ADRA1A: variants seen among roughly 807,000 people sequenced by gnomAD.
The protein encoded by ADRA1A is alpha-1A adrenergic receptor.
A neutral mutation model predicts 29.6 loss-of-function variants in ADRA1A; 31 were observed. The ratio of observed to expected loss-of-function variants is 1.05; its 90% CI spans 0.79 to 1.41. The LOEUF (loss-of-function observed/expected upper bound fraction) is 1.41. Ranked by LOEUF, ADRA1A falls within the 40% of genes most tolerant of loss-of-function variation. The pLI is 0.00. For missense variants in ADRA1A, 619 were observed against 601.1 expected, an observed-to-expected ratio of 1.03 and a Z score of -0.31; for synonymous variants, 311 against 254.3, an observed-to-expected ratio of 1.22 and a Z score of -2.12.
At chr8:26,798,316 G>T (rs1035003646) in intron 2 of ADRA1A, among the ~76,000 whole-genome samples, 11 of 152,124 alleles carry the variant, frequency 7.2e-5, no homozygotes, top group African/African-American at 2.7e-4. Context: ...CAAGTGATTT[G>T]CTCTTTCAGA....
At chr8:26,834,349 C>T (rs944023180) in intron 2 of ADRA1A, among the ~76,000 whole-genome samples, 1 of 152,012 alleles carries the variant, frequency 6.6e-6, no homozygotes, top group Admixed American at 6.6e-5. Flanking sequence ...TAGAACTAGA[C>T]AAAATAATTC....
chr8:26,777,545 G>A lies in ADRA1A; in HGVS notation c.884-6879C>T, dbSNP rs1585666268. On this transcript the variant is annotated intron_variant, in intron 2 of 2. Coordinates refer to ENST00000380573, the MANE Select transcript of ADRA1A (RefSeq NM_000680.4). The stretch of plus-strand genomic sequence containing the variant: ...TTCGGTGCCTCTTTGGAAGGACTTC[G>A]CTAGTCTTTTTTTCCCCTATTTAAC... 3.3e-5 allele frequency among the ~76,000 whole-genome samples: 5 copies of A among 152,252 alleles called. 1 individual carries two copies. The South Asian group carries it at 6.2e-4, about 19-fold the overall frequency.
At position 26,848,866 on chromosome 8, in the gene ADRA1A, A is replaced by G. The variant is rs932356632; in HGVS notation, c.883+15221T>C. Among the ~76,000 whole-genome samples, 46 of 152,280 alleles carry G rather than the reference A, an allele frequency of 3.0e-4. No homozygotes were observed. On this transcript the variant is annotated intron_variant, in intron 2 of 2. Transcript: ENST00000380573. This position sits in a 1 kb window ranked among gnomAD's most constrained non-coding sequence, Gnocchi z 4.3. ...CTCTAACTGTTGAGAATCAAAGGCT[A>G]TAGGAGGATGGGTCTGCTTTGTCTT...
downstream of ADRA1A, among the ~76,000 whole-genome samples, chr8:26,763,468 C>T (rs750061105): frequency 2.6e-5 from 4 of 152,206 alleles, no homozygotes; most frequent in Admixed American, 6.5e-5. The surrounding 1 kb of genome is among the most constrained non-coding windows in gnomAD (Gnocchi z 4.5). Flanking sequence ...CCTTTCTGCT[C>T]TACAGATGAC....
At position 26,770,378 on chromosome 8, in the gene ADRA1A, G is replaced by A. The variant is rs151273238; in HGVS notation, c.1172C>T (p.Thr391Met). The A allele has an allele frequency of 1.5e-4, 237 of 1,614,204 alleles. No individual in the cohort carries two copies. The East Asian group carries it at 1.9e-3, about 13-fold the overall frequency. The change falls in exon 3 of 3, where the codon ACG (threonine) becomes ATG (methionine). Residue 391 changes from threonine (T) to methionine (M), a missense_variant. Thr to Met is a moderately conservative substitution (Grantham distance 81, BLOSUM62 -1). Coordinates refer to ENST00000380573, the MANE Select transcript of ADRA1A (RefSeq NM_000680.4). ...SRETFYRISK[T>M]DGVCEWKFFS... is the part of the protein sequence containing the mutation. Reference sequence around the variant, plus strand: ...AAATTTCCATTCACAAACGCCATCCGTCTTGGAGATCCTGTAGAAGGTCTC... The same window carrying A: ...AAATTTCCATTCACAAACGCCATCCATCTTGGAGATCCTGTAGAAGGTCTC...
downstream of ADRA1A, among the ~76,000 whole-genome samples, chr8:26,767,800 G>T (rs755282752): frequency 2.0e-5 from 3 of 152,162 alleles, no homozygotes; most frequent in Admixed American, 6.5e-5. Context: ...TTCCTGTAAG[G>T]GGGAGTGGGG....
intron 2 of ADRA1A, among the ~76,000 whole-genome samples, chr8:26,819,485 T>C (rs1415265480): frequency 6.6e-6 from 1 of 151,976 alleles, no homozygotes; most frequent in Non-Finnish European, 1.5e-5. Context: ...ATCAAACGTG[T>C]GTTGGGGGAG....
chr8:26,867,318 C>T (rs1243883402), upstream of ADRA1A: 2 of 985,406 alleles, frequency 2.0e-6, no homozygotes, highest in South Asian at 4.7e-5. Flanking sequence ...CCTGCTGCTA[C>T]CGTATTACTC....
Position 26,825,895 on chromosome 8 carries a change from C to A in ADRA1A, c.883+38192G>T, listed in dbSNP as rs773321794. ...TGGTGTTTGCATGAGGACATGAGCC[C>A]CATTCCTTGAATTCCTACAATGTCC... On this transcript the variant is annotated intron_variant, in intron 2 of 2. Coordinates refer to ENST00000380573, the MANE Select transcript of ADRA1A (RefSeq NM_000680.4). This position sits in a 1 kb window ranked among gnomAD's most constrained non-coding sequence, Gnocchi z 5.7. 1.1e-4 allele frequency among the ~76,000 whole-genome samples: 16 copies of A among 152,192 alleles called. No homozygotes were observed. The highest frequency in any genetic ancestry group is 8.5e-4 in the Admixed American group (13 of 15,286).
At chr8:26,755,421 G>T (rs1220258604), downstream of ADRA1A, among the ~76,000 whole-genome samples, 1 of 152,160 alleles carries the variant, frequency 6.6e-6, no homozygotes, top group Non-Finnish European at 1.5e-5. Context: ...TGTGTGGTTT[G>T]CCTGTGGGGA....
chr8:26,811,209 T>G (rs1809363479), intron 2 of ADRA1A, among the ~76,000 whole-genome samples: 1 of 150,602 alleles, frequency 6.6e-6, no homozygotes, highest in Non-Finnish European at 1.5e-5. Flanking sequence ...TTTTTTTTTG[T>G]TGAGACGGAG....
chr8:26,801,856 A>G (rs1032209580), intron 2 of ADRA1A, among the ~76,000 whole-genome samples: 6 of 152,208 alleles, frequency 3.9e-5, no homozygotes, highest in African/African-American at 1.4e-4. Context: ...CTATAGAGCT[A>G]TGGTAACCAT....
intron 2 of ADRA1A, among the ~76,000 whole-genome samples, chr8:26,783,014 G>A (rs1478955393): frequency 2.0e-5 from 3 of 152,102 alleles, no homozygotes; most frequent in African/African-American, 7.2e-5. Context: ...GTCCATTCCA[G>A]TTCTGGCCAC....
chr8:26,769,509 C>T lies in ADRA1A; in HGVS notation c.*640G>A, dbSNP rs1398116843. ...CTACATTCCAAGACATCATGAGTGC[C>T]CCTCACTCTCATCTTTGGGAAATGA... is the stretch of plus-strand genomic sequence containing the variant. On this transcript the variant is annotated 3_prime_UTR_variant, in exon 3 of 3. Transcript: ENST00000380573. 21 of 985,276 alleles carry T rather than the reference C, an allele frequency of 2.1e-5. No homozygotes were observed. Among genetic ancestry groups the T allele is most frequent in the Non-Finnish European group, 2.4e-5 (20 of 829,936 alleles). The allele number at this position is 985,276 out of a possible 1,614,324, so 61.0% of individuals were successfully genotyped here.
At chr8:26,802,154 G>A (rs572550272) in intron 2 of ADRA1A, among the ~76,000 whole-genome samples, 3 of 152,176 alleles carry the variant, frequency 2.0e-5, no homozygotes, top group East Asian at 3.9e-4. Context: ...TCTCCAGGAC[G>A]TTGGGCTGGC....
intron 2 of ADRA1A, chr8:26,854,416 A>AGGGGGGGGGGGGGGGGGGGGG (rs1200564632): frequency 5.3e-5 from 1 of 18,702 alleles, no homozygotes; most frequent in Admixed American, 6.9e-4. Context: ...CTGAAGTTAA[A>AGGGGGGGGGGGGGGGGGGGGG]GCGGGGCGGG....
rs1258494867 is a variant in ADRA1A at position 26,816,529 on chromosome 8, G to GTGTA, written c.884-45867_884-45864dup. On this transcript the variant is annotated intron_variant, in intron 2 of 2. Transcript: ENST00000380573. ...AAAAACAACAAGAGAGGTGCTCATG[G>GTGTA]TGTATGTGTGTGTGTGTGTGTGTGT... 3.3e-5 allele frequency among the ~76,000 whole-genome samples: 4 copies of GTGTA among 123,044 alleles called. No individual in the cohort carries two copies. The South Asian group carries it at 1.1e-3, about 35-fold the overall frequency. 80.7% of individuals were successfully genotyped at this position (123,044 alleles called of 152,430 possible).
downstream of ADRA1A, among the ~76,000 whole-genome samples, chr8:26,752,747 C>T (rs925922325): frequency 3.3e-5 from 5 of 152,180 alleles, no homozygotes; most frequent in Admixed American, 6.5e-5. Context: ...AGCAGATGCT[C>T]AGCTTTGTGG....
chr8:26,776,064 C>T (rs894312426), intron 2 of ADRA1A, among the ~76,000 whole-genome samples: 24 of 152,156 alleles, frequency 1.6e-4, no homozygotes, highest in African/African-American at 4.1e-4. Flanking sequence ...TCACCTTTTA[C>T]AGTTATAAAA....
Sources: allele counts gnomAD v4.1 joint callset (sites outside exome capture counted in the v4.1 genomes callset), GRCh38; gene constraint gnomAD v4.1.1; non-coding constraint Gnocchi (gnomAD v3.1); transcripts MANE v1.5; gene names NCBI Gene and HGNC (gene_info 2026-07-23, HGNC 2026-07-21).